CFAP61: variants seen among roughly 807,000 people sequenced by gnomAD.
The protein encoded by CFAP61 is cilia and flagella associated protein 61, also known as cilia- and flagella-associated protein 61.
CFAP61 carries 107 observed loss-of-function variants against 135.6 expected under a neutral mutation model. The ratio of observed to expected loss-of-function variants is 0.79; its 90% CI spans 0.67 to 0.93. CFAP61 has a LOEUF of 0.93. CFAP61 is among the 40% of genes least tolerant of loss of function. The pLI, the probability that CFAP61 is intolerant of heterozygous loss-of-function variation, is 0.00. For synonymous variants in CFAP61, 575 were observed against 578.5 expected, an observed-to-expected ratio of 0.99 and a Z score of 0.09; for missense variants, 1,507 against 1,556.2, an observed-to-expected ratio of 0.97 and a Z score of 0.53.
chr20:20,139,541 T>C (rs2051205088), intron 8 of CFAP61, among the ~76,000 whole-genome samples: 1 of 152,204 alleles, frequency 6.6e-6, no homozygotes, highest in Non-Finnish European at 1.5e-5. Flanking sequence ...TACCACTGCC[T>C]CAGCTTTCCC....
intron 25 of CFAP61, among the ~76,000 whole-genome samples, chr20:20,329,776 C>T (rs961546250): frequency 6.6e-6 from 1 of 152,244 alleles, no homozygotes; most frequent in Non-Finnish European, 1.5e-5. Context: ...TGTGCCTCCA[C>T]GCTTTCCCGG....
At chr20:20,122,688 C>G (rs1240201215) in intron 8 of CFAP61, among the ~76,000 whole-genome samples, 1 of 152,136 alleles carries the variant, frequency 6.6e-6, no homozygotes, top group Non-Finnish European at 1.5e-5. Context: ...GGGTTGGTTC[C>G]ATGATTTTGC....
intron 21 of CFAP61, among the ~76,000 whole-genome samples, chr20:20,272,011 A>G (rs1414233782): frequency 6.6e-6 from 1 of 152,264 alleles, no homozygotes; most frequent in Non-Finnish European, 1.5e-5. Context: ...GGAAGGTTCC[A>G]TGAGTTATAA....
chr20:20,149,409 A>G (rs2052206118), intron 9 of CFAP61, among the ~76,000 whole-genome samples: 1 of 152,228 alleles, frequency 6.6e-6, no homozygotes, highest in Non-Finnish European at 1.5e-5. Context: ...GATTCACACC[A>G]TGAACTTTTG....
At chr20:20,088,428 A>C (rs1268298719) in intron 6 of CFAP61, among the ~76,000 whole-genome samples, 2 of 152,176 alleles carry the variant, frequency 1.3e-5, no homozygotes, top group Non-Finnish European at 2.9e-5. Context: ...GGAAGCAAAC[A>C]CATCTTTCTT....
chr20:20,353,262 CA>C (rs2058914981), intron 26 of CFAP61, among the ~76,000 whole-genome samples: 2 of 152,050 alleles, frequency 1.3e-5, no homozygotes, highest in African/African-American at 4.8e-5. Flanking sequence ...CAGAAAAAAA[CA>C]AAACACTATG....
intron 17 of CFAP61, among the ~76,000 whole-genome samples, chr20:20,213,254 G>A (rs1391981491): frequency 6.6e-6 from 1 of 152,198 alleles, no homozygotes; most frequent in Non-Finnish European, 1.5e-5. Context: ...AGAATTTCAT[G>A]CAAGAAGCCC....
intron 13 of CFAP61, among the ~76,000 whole-genome samples, chr20:20,179,789 TTCAATAAATCGTGC>T: frequency 6.6e-6 from 1 of 152,316 alleles, no homozygotes; most frequent in South Asian, 2.1e-4. Context: ...GGATTCCCTA[TTCAATAAATCGTGC>T]TGGGATAACT....
chr20:20,329,263 G>T (rs1169053878), intron 25 of CFAP61, among the ~76,000 whole-genome samples: 2 of 152,136 alleles, frequency 1.3e-5, no homozygotes, highest in East Asian at 3.9e-4. Flanking sequence ...GCTAGGGTCA[G>T]TCTGGCCAAC....
intron 17 of CFAP61, among the ~76,000 whole-genome samples, chr20:20,202,477 C>T (rs1201270336): frequency 2.6e-5 from 4 of 152,104 alleles, no homozygotes; most frequent in Non-Finnish European, 4.4e-5. Context: ...AGACCATAAT[C>T]CCCATGGAAT....
chr20:20,165,501 A>ACAGC, intron 11 of CFAP61, among the ~76,000 whole-genome samples: 1 of 152,124 alleles, frequency 6.6e-6, no homozygotes, highest in South Asian at 2.1e-4. Context: ...ACCAGACCTC[A>ACAGC]CAGCCACCCA....
chr20:20,240,200 A>T (rs546507508), intron 18 of CFAP61, among the ~76,000 whole-genome samples: 1 of 152,344 alleles, frequency 6.6e-6, no homozygotes, highest in African/African-American at 2.4e-5. Flanking sequence ...GAATCACTGT[A>T]GTATAGTACA....
chr20:20,330,346 G>A (rs955860481), intron 25 of CFAP61, among the ~76,000 whole-genome samples: 3 of 151,830 alleles, frequency 2.0e-5, no homozygotes, highest in Non-Finnish European at 4.4e-5. Context: ...TTGTTTGTTT[G>A]TTTGTTTTGT....
intron 25 of CFAP61, among the ~76,000 whole-genome samples, chr20:20,337,642 A>G (rs71331874): frequency 6.2e-3 from 52 of 8,398 alleles, no homozygotes; most frequent in South Asian, 0.062. Flanking sequence ...ATGGATGGAT[A>G]GATGGGTGGG....
In CFAP61 at chr20:20,056,735, A is replaced by C; in HGVS notation, c.82A>C (p.Lys28Gln). ...RTESQDVYCI[K>Q]SLIRKFTCKL... The stretch of plus-strand genomic sequence containing the variant: ...AGAATCACAGGATGTTTATTGTATC[A>C]AAAGCCTTATTAGAAAATTTACCTG... The change falls in exon 2 of 27, where the codon AAA becomes CAA. Residue 28 changes from lysine to glutamine, a missense_variant. Transcript: ENST00000245957. 1 of 1,614,134 alleles carries C rather than the reference A, an allele frequency of 6.2e-7. No individual in the cohort carries two copies. Among genetic ancestry groups the C allele is most frequent in the Non-Finnish European group, 8.5e-7 (1 of 1,179,946 alleles).
At chr20:20,219,929 C>T (rs2048285945) in intron 17 of CFAP61, among the ~76,000 whole-genome samples, 1 of 152,164 alleles carries the variant, frequency 6.6e-6, no homozygotes, top group Non-Finnish European at 1.5e-5. Context: ...TGTTTTCATT[C>T]CCCACCCCTG....
intron 25 of CFAP61, among the ~76,000 whole-genome samples, chr20:20,303,629 G>A (rs1337593091): frequency 1.3e-5 from 2 of 152,122 alleles, no homozygotes; most frequent in Non-Finnish European, 1.5e-5. Context: ...ACTGGCTGGC[G>A]AGGCTCTTTC....
intron 26 of CFAP61, among the ~76,000 whole-genome samples, chr20:20,344,094 C>T (rs1043830192): frequency 1.1e-4 from 16 of 152,162 alleles, no homozygotes; most frequent in African/African-American, 3.1e-4. Flanking sequence ...TGCAGCATTT[C>T]GTTTGTCAAA....
intron 25 of CFAP61, among the ~76,000 whole-genome samples, chr20:20,301,904 T>C (rs949700390): frequency 6.6e-6 from 1 of 152,222 alleles, no homozygotes; most frequent in Non-Finnish European, 1.5e-5. Flanking sequence ...TCTAATAGTT[T>C]TATAATCAAC....
Sources: gnomAD v4.1 joint callset for allele counts (sites outside exome capture counted in the v4.1 genomes callset) on GRCh38, gnomAD v4.1.1 for gene constraint, MANE v1.5 for transcripts, NCBI Gene and HGNC (gene_info 2026-07-23, HGNC 2026-07-21) for gene names.